SYT14: variants seen among roughly 807,000 people sequenced by gnomAD.
The protein encoded by SYT14 is synaptotagmin-14.
SYT14 carries 32 observed loss-of-function variants against 74.2 expected under a neutral mutation model. That is an observed-to-expected ratio of 0.43 (90% CI 0.33 to 0.58). The LOEUF (loss-of-function observed/expected upper bound fraction) is 0.58. SYT14 is among the 20% of genes least tolerant of loss of function. The probability of loss-of-function intolerance (pLI) is 0.05; values close to 1 mark genes in which losing one functional copy is unlikely to be tolerated. For missense variants in SYT14, 791 were observed against 981.8 expected (o/e 0.81, Z 2.60); for synonymous variants, 298 against 337.7 (o/e 0.88, Z 1.29).
chr1:210,047,044 T>C (rs1483093542), intron 5 of SYT14, among the ~76,000 whole-genome samples: 1 of 152,110 alleles, frequency 6.6e-6, no homozygotes, highest in East Asian at 1.9e-4. Context: ...ATTCTATAAT[T>C]AATTAATTTT....
intron 2 of SYT14, among the ~76,000 whole-genome samples, chr1:209,979,967 C>G (rs1044187218): frequency 6.6e-6 from 1 of 152,186 alleles, no homozygotes; most frequent in African/African-American, 2.4e-5. Flanking sequence ...TGGGCATATA[C>G]CCAGTAATGG....
At chr1:209,986,284 A>T (rs2079568877) in intron 2 of SYT14, among the ~76,000 whole-genome samples, 1 of 152,082 alleles carries the variant, frequency 6.6e-6, no homozygotes, top group African/African-American at 2.4e-5. Context: ...GCCAGGCCAC[A>T]TCCTGAATGC....
intron 2 of SYT14, among the ~76,000 whole-genome samples, chr1:209,984,207 A>C (rs2079535426): frequency 6.6e-6 from 1 of 152,236 alleles, no homozygotes; most frequent in Non-Finnish European, 1.5e-5. Context: ...TGCTGATTTT[A>C]GCGCCAACTA....
chr1:210,059,443 TATATATATAGAGAGAG>T (rs1305504351), intron 5 of SYT14, among the ~76,000 whole-genome samples: 3 of 96,196 alleles, frequency 3.1e-5, no homozygotes, highest in African/African-American at 1.0e-4. Context: ...TATATATATA[TATATATATAGAGAGAG>T]AGAGAGAGAG....
At chr1:210,022,761 A>G (rs1179421727) in intron 5 of SYT14, among the ~76,000 whole-genome samples, 1 of 152,202 alleles carries the variant, frequency 6.6e-6, no homozygotes, top group Non-Finnish European at 1.5e-5. Context: ...GCCAATTATA[A>G]TGGTAGTGAA....
intron 2 of SYT14, among the ~76,000 whole-genome samples, chr1:209,987,072 A>C (rs960254142): frequency 3.9e-5 from 6 of 152,130 alleles, no homozygotes; most frequent in African/African-American, 1.4e-4. Flanking sequence ...CCTGGACTTG[A>C]TTGTCCATAT....
At chr1:210,120,797 TAGTC>T (rs959966534) in intron 7 of SYT14, among the ~76,000 whole-genome samples, 5 of 152,230 alleles carry the variant, frequency 3.3e-5, no homozygotes, top group African/African-American at 9.6e-5. Context: ...CCTTTTTTGT[TAGTC>T]AGTTTACTTT....
At chr1:210,027,720 G>A (rs227232) in intron 5 of SYT14, among the ~76,000 whole-genome samples, 82,142 of 151,808 alleles carry the variant, frequency 0.54, 23,428 homozygotes, top group African/African-American at 0.72. Context: ...ATTCTTTATC[G>A]TGTGTATTAT....
intron 2 of SYT14, among the ~76,000 whole-genome samples, chr1:209,999,946 T>C (rs1446337910): frequency 5.9e-5 from 9 of 152,176 alleles, no homozygotes; most frequent in Non-Finnish European, 1.2e-4. Flanking sequence ...CCTGAGGTGA[T>C]GGATACCTTA....
chr1:209,981,450 C>CTTTTTTTTTTTTTTTTT (rs1183885685), intron 2 of SYT14, among the ~76,000 whole-genome samples: 48 of 99,044 alleles, frequency 4.8e-4, no homozygotes, highest in East Asian at 6.3e-4. Context: ...TTTTTCTTTT[C>CTTTTTTTTTTTTTTTTT]TTTTTTTTTT....
At chr1:209,966,043 G>A (rs1200777338) in intron 2 of SYT14, 28 of 409,368 alleles carry the variant, frequency 6.8e-5, no homozygotes, top group Non-Finnish European at 1.3e-4. Flanking sequence ...AGCTAATTTT[G>A]GTATTTTTAG....
At chr1:209,944,346 A>C (rs1270857961) in intron 1 of SYT14, among the ~76,000 whole-genome samples, 6 of 152,250 alleles carry the variant, frequency 3.9e-5, no homozygotes, top group African/African-American at 1.2e-4. Context: ...AGAGTAGCTC[A>C]AAAGTTGGAA....
chr1:210,014,644 C>T (rs2080148700), intron 3 of SYT14, among the ~76,000 whole-genome samples: 1 of 152,074 alleles, frequency 6.6e-6, no homozygotes, highest in Non-Finnish European at 1.5e-5. Flanking sequence ...AGCCCCATTA[C>T]TTATAAGACT....
chr1:210,016,913 A>G (rs1022879833), exon 4 of SYT14: 2 of 1,231,654 alleles, frequency 1.6e-6, no homozygotes, highest in Admixed American at 4.2e-5. Context: ...AAAAGAAGAC[A>G]TACATCCAGC....
intron 2 of SYT14, among the ~76,000 whole-genome samples, chr1:209,983,260 CAA>C (rs2079519109): frequency 6.6e-6 from 1 of 152,024 alleles, no homozygotes; most frequent in African/African-American, 2.4e-5. Context: ...GTTATATTTA[CAA>C]AGTCATTTTT....
intron 2 of SYT14, among the ~76,000 whole-genome samples, chr1:210,003,983 G>T (rs1432000106): frequency 6.6e-6 from 1 of 151,624 alleles, no homozygotes; most frequent in Non-Finnish European, 1.5e-5. Context: ...TTTACTAGGT[G>T]TTCTCAATTT....
intron 1 of SYT14, among the ~76,000 whole-genome samples, chr1:209,949,252 C>T (rs190969823): frequency 3.3e-5 from 5 of 152,166 alleles, no homozygotes; most frequent in Non-Finnish European, 7.4e-5. Context: ...TCCTTATACT[C>T]CTCCCAGTCT....
intron 7 of SYT14, among the ~76,000 whole-genome samples, chr1:210,118,391 T>A (rs2102602061): frequency 6.6e-6 from 1 of 152,282 alleles, no homozygotes; most frequent in East Asian, 1.9e-4. Context: ...ATTATCAACA[T>A]CTATGAAATT....
intron 7 of SYT14, among the ~76,000 whole-genome samples, chr1:210,106,217 A>T (rs1270298744): frequency 6.6e-6 from 1 of 152,190 alleles, no homozygotes; most frequent in African/African-American, 2.4e-5. Context: ...CTTGTAAAAG[A>T]GGAGATGGAA....
Sources: allele counts gnomAD v4.1 joint callset (sites outside exome capture counted in the v4.1 genomes callset), GRCh38; gene constraint gnomAD v4.1.1; transcripts MANE v1.5; gene names NCBI Gene and HGNC (gene_info 2026-07-23, HGNC 2026-07-21).